The following PLEKHH2 variants were observed in gnomAD, a reference collection of about 807,000 sequenced individuals.
PLEKHH2 encodes the protein pleckstrin homology domain-containing family H member 2.
In PLEKHH2, 129 loss-of-function variants were observed where a neutral mutation model predicts 187.9. The observed-to-expected ratio is 0.69, with a 90% CI of 0.59 to 0.79. The LOEUF is 0.79. Ranked by LOEUF, PLEKHH2 falls within the 30% of genes least tolerant of loss-of-function variation. The pLI, the probability that PLEKHH2 is intolerant of heterozygous loss-of-function variation, is 0.00. For synonymous variants in PLEKHH2, 686 were observed against 605.6 expected (o/e 1.13, Z -1.95); for missense variants, 2,076 against 1,751.2 (o/e 1.19, Z -3.31).
At chr2:43,688,028 T>A (rs1668612633) in intron 3 of PLEKHH2, among the ~76,000 whole-genome samples, 1 of 152,214 alleles carries the variant, frequency 6.6e-6, no homozygotes. Context: ...CTCAAACTCC[T>A]GGGCTCAAGC....
chr2:43,753,718 G>A lies in PLEKHH2; in HGVS notation c.3753G>A (p.Leu1251=). The part of the protein sequence containing the change: ...NDQIINGLFP[L]NKDLALEMAA... ...AAATCATAAATGGACTTTTTCCTCTGAACAAAGATCTGGCATTAGAAATGG... is the reference window on the plus strand; with the variant it reads ...AAATCATAAATGGACTTTTTCCTCTAAACAAAGATCTGGCATTAGAAATGG... Residue 1251 remains leucine (L), a synonymous_variant, in exon 25 of 30, where the codon CTG becomes CTA. Transcript: ENST00000282406. 3 of 1,582,064 alleles carry A rather than the reference G, an allele frequency of 1.9e-6. No individual in the cohort carries two copies. Among genetic ancestry groups the A allele is most frequent in the Non-Finnish European group, 2.6e-6 (3 of 1,168,812 alleles).
intron 3 of PLEKHH2, chr2:43,680,982 C>G: frequency 8.5e-7 from 1 of 1,177,076 alleles, no homozygotes; most frequent in South Asian, 1.7e-5. Flanking sequence ...GTTTCCGTTA[C>G]TGTTGTTCAT....
chr2:43,730,771 G>C lies in PLEKHH2; in HGVS notation c.2831-719G>C, dbSNP rs76955522. ...CTATCCTATGCTTTATACGCTAAGA[G>C]AGACCACATTTTATTTGCTGTGTCC... On this transcript the variant is annotated intron_variant, in intron 18 of 29. Transcript: ENST00000282406. Among the ~76,000 whole-genome samples the C allele has an allele frequency of 9.7e-3, 1,480 of 152,302 alleles. 22 individuals are homozygous for C. The highest frequency in any genetic ancestry group is 0.034 in the African/African-American group (1,409 of 41,550).
chr2:43,676,174 C>T (rs1667770845), intron 2 of PLEKHH2: 2 of 1,613,862 alleles, frequency 1.2e-6, no homozygotes, highest in South Asian at 2.2e-5. Flanking sequence ...GAAATCGTTC[C>T]TGTTAGGTGG....
intron 3 of PLEKHH2, chr2:43,681,349 T>G (rs1291801254): frequency 1.8e-5 from 22 of 1,227,768 alleles, no homozygotes; most frequent in Non-Finnish European, 2.3e-5. Context: ...TGGGGTCACC[T>G]GTCATCAGAA....
chr2:43,736,138 A>G (rs535572305), intron 19 of PLEKHH2, among the ~76,000 whole-genome samples: 2 of 152,322 alleles, frequency 1.3e-5, no homozygotes, highest in African/African-American at 4.8e-5. Context: ...TACAGATGGT[A>G]TATTTGTATA....
At chr2:43,659,482 C>T (rs1666959212) in intron 2 of PLEKHH2, among the ~76,000 whole-genome samples, 1 of 151,902 alleles carries the variant, frequency 6.6e-6, no homozygotes, top group Admixed American at 6.6e-5. Flanking sequence ...TTTTATTTTA[C>T]CAGACTAAAT....
intron 4 of PLEKHH2, among the ~76,000 whole-genome samples, chr2:43,694,156 T>C (rs944991630): frequency 2.0e-5 from 3 of 152,208 alleles, no homozygotes; most frequent in Admixed American, 2.0e-4. Flanking sequence ...ATGGCTTATT[T>C]TGTTGATAAA....
chr2:43,729,789 T>C (rs376702452), intron 18 of PLEKHH2, 44 bp downstream of exon 18: 57 of 1,377,280 alleles, frequency 4.1e-5, no homozygotes, highest in Non-Finnish European at 1.1e-5. Context: ...GTTAATGAAA[T>C]GGACCTCAAC....
chr2:43,650,756 C>T (rs771283103), intron 2 of PLEKHH2, among the ~76,000 whole-genome samples: 6 of 151,878 alleles, frequency 4.0e-5, no homozygotes, highest in Non-Finnish European at 8.8e-5. Context: ...AGCAATTCTC[C>T]TGCCTCAGCC....
intron 2 of PLEKHH2, among the ~76,000 whole-genome samples, chr2:43,654,980 G>A (rs921475983): frequency 7.3e-5 from 11 of 151,626 alleles, no homozygotes; most frequent in African/African-American, 2.7e-4. Flanking sequence ...TGAGCCAGCC[G>A]AGATCATGCC....
intron 17 of PLEKHH2, 60 bp from the exon 18 acceptor site, chr2:43,729,576 GT>G (rs534845664): frequency 3.4e-5 from 39 of 1,142,228 alleles, no homozygotes; most frequent in Admixed American, 1.1e-4. Flanking sequence ...TATGCAAGTT[GT>G]TTTTTTTTCT....
intron 16 of PLEKHH2, among the ~76,000 whole-genome samples, chr2:43,721,146 G>A (rs915687997): frequency 1.3e-5 from 2 of 152,150 alleles, no homozygotes; most frequent in African/African-American, 2.4e-5. Flanking sequence ...TCAAATTCCC[G>A]AATACCGCTT....
At position 43,757,194 on chromosome 2, in the gene PLEKHH2, A is replaced by G. The variant is rs1277668612; in HGVS notation, c.3871A>G (p.Thr1291Ala). The change falls in exon 26 of 30, where the codon ACT (threonine) becomes GCT (alanine). Residue 1291 changes from threonine to alanine, a missense_variant. Coordinates refer to ENST00000282406, the MANE Select transcript of PLEKHH2 (RefSeq NM_172069.4). The stretch of plus-strand genomic sequence containing the variant: ...TACCAATCAGTGCAAAGTGAATCAA[A>G]CTCTAAAGCAAGTCATAGAGAAATT... ...HVTNQCKVNQ[T>A]LKQVIEKFYP... 3 of 1,604,206 alleles carry G rather than the reference A, an allele frequency of 1.9e-6. No homozygotes were observed. Among genetic ancestry groups the G allele is most frequent in the East Asian group, 2.3e-5 (1 of 44,140 alleles).
chr2:43,649,936 T>C (rs915441526), intron 2 of PLEKHH2, among the ~76,000 whole-genome samples: 1 of 152,164 alleles, frequency 6.6e-6, no homozygotes, highest in African/African-American at 2.4e-5. Flanking sequence ...AGAGGCTCTG[T>C]AAGTATACAG....
intron 4 of PLEKHH2, among the ~76,000 whole-genome samples, chr2:43,694,211 T>C (rs902667751): frequency 1.8e-4 from 27 of 152,222 alleles, no homozygotes; most frequent in African/African-American, 6.0e-4. Flanking sequence ...AGAAAGAGAA[T>C]AGCGGTTGTT....
At chr2:43,651,668 T>G (rs1666480168) in intron 2 of PLEKHH2, among the ~76,000 whole-genome samples, 1 of 152,134 alleles carries the variant, frequency 6.6e-6, no homozygotes, top group South Asian at 2.1e-4. Flanking sequence ...GTGGTTCAAC[T>G]AAAAGGGCAT....
intron 9 of PLEKHH2, among the ~76,000 whole-genome samples, chr2:43,704,767 A>G (rs780215015): frequency 5.9e-5 from 9 of 151,418 alleles, no homozygotes; most frequent in Non-Finnish European, 1.0e-4. Flanking sequence ...TTGCTATTTC[A>G]TTCGCTAAGA....
intron 2 of PLEKHH2, among the ~76,000 whole-genome samples, chr2:43,650,144 C>CTT (rs70965311): frequency 0.016 from 1,534 of 95,696 alleles, 17 homozygotes; most frequent in Non-Finnish European, 0.023. Context: ...TTTTTCTTTC[C>CTT]TTTTTTTTTT....
Sources: gnomAD v4.1 joint callset for allele counts (sites outside exome capture counted in the v4.1 genomes callset) on GRCh38, gnomAD v4.1.1 for gene constraint, MANE v1.5 for transcripts, NCBI Gene and HGNC (gene_info 2026-07-23, HGNC 2026-07-21) for gene names.